The following SYCP2L variants were observed in gnomAD, a reference collection of about 807,000 sequenced individuals.
SYCP2L encodes synaptonemal complex protein 2 like.
A neutral mutation model predicts 125.8 loss-of-function variants in SYCP2L; 98 were observed. That is an observed-to-expected ratio of 0.78 (90% CI 0.66 to 0.92). The LOEUF is 0.92. SYCP2L is among the 40% of genes least tolerant of loss of function. The pLI is 0.00. For missense variants in SYCP2L, 842 were observed against 936.4 expected, an observed-to-expected ratio of 0.90 and a Z score of 1.32; for synonymous variants, 317 against 325.4, an observed-to-expected ratio of 0.97 and a Z score of 0.28.
rs1310830278 is a variant in SYCP2L, at chr6:10,951,505, CAAAT to C, written c.1955-3605_1955-3602del. 5.3e-5 allele frequency among the ~76,000 whole-genome samples: 8 copies of C among 152,316 alleles called. No homozygotes were observed. The East Asian group carries it at 1.5e-3, about 29-fold the overall frequency. On this transcript the variant is annotated intron_variant, in intron 23 of 29. Coordinates refer to ENST00000283141, the MANE Select transcript of SYCP2L (RefSeq NM_001040274.3). The stretch of plus-strand genomic sequence containing the variant: ...CTATTTAAGCATTTATATGTAGTCA[CAAAT>C]AAATATTTATTATCAGTTGAGTTAT...
intron 26 of SYCP2L, among the ~76,000 whole-genome samples, chr6:10,959,934 A>G (rs530454511): frequency 2.8e-4 from 42 of 152,044 alleles, no homozygotes; most frequent in South Asian, 6.2e-4. Flanking sequence ...AGATTTGCAC[A>G]TGCACCTGGA....
chr6:10,942,564 C>A (rs771795479), intron 22 of SYCP2L, 35 bp downstream of exon 22: 1 of 1,581,592 alleles, frequency 6.3e-7, no homozygotes, highest in Admixed American at 1.8e-5. Context: ...ATCTGATTTT[C>A]CAGAATTAAT....
chr6:10,947,624 C>G (rs1781338478), intron 23 of SYCP2L, among the ~76,000 whole-genome samples: 2 of 152,028 alleles, frequency 1.3e-5, no homozygotes, highest in African/African-American at 2.4e-5. Flanking sequence ...TTGCTGAACT[C>G]TTATTAGGTC....
chr6:10,969,310 CTG>C (rs1781729639), intron 29 of SYCP2L, among the ~76,000 whole-genome samples: 1 of 149,882 alleles, frequency 6.7e-6, no homozygotes, highest in African/African-American at 2.5e-5. Flanking sequence ...ATGTCCAAGA[CTG>C]TGCTTTGTTA....
Position 10,902,673 on chromosome 6 carries a change from T to C in SYCP2L, c.467-4T>C, listed in dbSNP as rs768384212. On this transcript the variant is annotated splice_polypyrimidine_tract_variant and splice_region_variant and intron_variant, in intron 6 of 29. Coordinates refer to ENST00000283141, the MANE Select transcript of SYCP2L (RefSeq NM_001040274.3). ...AATTTGATGCTTTGAAATTATACTT[T>C]CAGGGAAAATTCAGATGTTGGATTC... 6.2e-7 allele frequency: 1 copy of C among 1,612,480 alleles called. No homozygotes were observed. The highest frequency in any genetic ancestry group is 2.2e-5 in the East Asian group (1 of 44,862).
In SYCP2L at chr6:10,958,195, G is replaced by A. The variant is rs1489949951; in HGVS notation, c.2164-589G>A. Among the ~76,000 whole-genome samples the A allele has an allele frequency of 6.0e-5, 9 of 150,068 alleles. 1 individual carries two copies. In the South Asian group the frequency reaches 6.3e-4, roughly 11 times the overall value. ...CTTGAATTGCTATAAATAAATACCC[G>A]AGACTGGATAATTTATTTTTTTTTA... is the stretch of plus-strand genomic sequence containing the variant. On this transcript the variant is annotated intron_variant, in intron 25 of 29. Coordinates refer to ENST00000283141, the MANE Select transcript of SYCP2L (RefSeq NM_001040274.3).
At chr6:10,939,546 T>C (rs1781174803) in intron 21 of SYCP2L, among the ~76,000 whole-genome samples, 1 of 152,170 alleles carries the variant, frequency 6.6e-6, no homozygotes, top group African/African-American at 2.4e-5. Context: ...CAAGATAACA[T>C]TATGGGCCCA....
In SYCP2L at chr6:10,912,290, CAT is replaced by C. The variant is rs1335745734; in HGVS notation, c.919-382_919-381del. 3.3e-5 allele frequency among the ~76,000 whole-genome samples: 5 copies of C among 152,246 alleles called. No individual in the cohort carries two copies. The East Asian group carries it at 5.8e-4, about 18-fold the overall frequency. On this transcript the variant is annotated intron_variant, in intron 12 of 29. Coordinates refer to ENST00000283141, the MANE Select transcript of SYCP2L (RefSeq NM_001040274.3). This position sits in a 1 kb window ranked among gnomAD's most constrained non-coding sequence, Gnocchi z 4.1. ...GTTGGAAGATAGATGGCAAATCACT[CAT>C]GTTTGGTTACAGTATCTCCTTCTCC...
rs371319582 is a variant in SYCP2L at position 10,927,382 on chromosome 6, A to G, written c.1440+15A>G. 2.7e-5 allele frequency: 44 copies of G among 1,600,906 alleles called. No homozygotes were observed. The highest frequency in any genetic ancestry group is 2.7e-5 in the African/African-American group (2 of 74,422). On this transcript the variant is annotated intron_variant, in intron 17 of 29. Coordinates refer to ENST00000283141, the MANE Select transcript of SYCP2L (RefSeq NM_001040274.3). ...CTGATAGTCACGTAGGTTCTTTTCTATTTTCCCTAAGCATCGGCCAGGTTG... is the reference window on the plus strand; with the variant it reads ...CTGATAGTCACGTAGGTTCTTTTCTGTTTTCCCTAAGCATCGGCCAGGTTG...
intron 29 of SYCP2L, among the ~76,000 whole-genome samples, chr6:10,970,034 A>G (rs1229863799): frequency 2.6e-5 from 4 of 152,154 alleles, no homozygotes; most frequent in South Asian, 2.1e-4. Flanking sequence ...TGTACATTCT[A>G]TAGGATTGAG....
intron 9 of SYCP2L, 51 bp from the exon 10 acceptor site, chr6:10,907,491 T>C (rs771855204): frequency 3.2e-5 from 49 of 1,542,234 alleles, no homozygotes; most frequent in Non-Finnish European, 4.3e-5. Context: ...TCATTTTTTC[T>C]TTTGCTTTGT....
chr6:10,959,867 C>T (rs1267757173), intron 26 of SYCP2L, among the ~76,000 whole-genome samples: 1 of 91,008 alleles, frequency 1.1e-5, no homozygotes, highest in East Asian at 1.2e-3. Context: ...AAAACTCTGT[C>T]TCAAAAAAAA....
chr6:10,930,309 G>A, intron 18 of SYCP2L, 61 bp from the exon 19 acceptor site: 2 of 1,532,836 alleles, frequency 1.3e-6, no homozygotes, highest in African/African-American at 1.4e-5. Context: ...AATATGTTTA[G>A]TTATACATAA....
At chr6:10,910,279 G>C in intron 11 of SYCP2L, 79 bp downstream of exon 11, 5 of 1,351,180 alleles carry the variant, frequency 3.7e-6, no homozygotes, top group Non-Finnish European at 5.2e-6. Context: ...TTTAGGGTCT[G>C]TTTCATTTTA....
At chr6:10,893,842 A>G (rs561874253) in intron 2 of SYCP2L, 25 bp from the exon 3 acceptor site, 1 of 1,598,972 alleles carries the variant, frequency 6.3e-7, no homozygotes, top group African/African-American at 1.4e-5. Flanking sequence ...GGGAAAAAGT[A>G]ATTTGCAAAC....
chr6:10,898,794 T>C (rs748668140), intron 5 of SYCP2L, 30 bp from the exon 6 acceptor site: 8 of 1,323,350 alleles, frequency 6.0e-6, no homozygotes, highest in South Asian at 4.8e-5. Context: ...TAAAATAATA[T>C]GAGCTTTACT....
Position 10,930,887 on chromosome 6 carries a change from A to G in SYCP2L, c.1633+373A>G, listed in dbSNP as rs532555752. Among the ~76,000 whole-genome samples, 4 of 152,362 alleles carry G rather than the reference A, an allele frequency of 2.6e-5. No individual in the cohort carries two copies. The South Asian group carries it at 6.2e-4, about 24-fold the overall frequency. On this transcript the variant is annotated intron_variant, in intron 19 of 29. Transcript: ENST00000283141. ...GAAGCATTCTTAGGTAGGTAAAACT[A>G]CAAGGGCATGCATGGTGGCTCACGC... is the stretch of plus-strand genomic sequence containing the variant.
At chr6:10,903,680 G>A (rs1017967667) in intron 8 of SYCP2L, among the ~76,000 whole-genome samples, 1 of 152,076 alleles carries the variant, frequency 6.6e-6, no homozygotes, top group Non-Finnish European at 1.5e-5. Context: ...GAACCCAGGA[G>A]GCGGAGGTTG....
At chr6:10,963,882 CG>C in intron 29 of SYCP2L, 39 bp downstream of exon 29, 1 of 1,527,078 alleles carries the variant, frequency 6.5e-7, no homozygotes, top group Non-Finnish European at 9.1e-7. Flanking sequence ...GGATGTGAAT[CG>C]GGGTCAGGGC....
Sources: allele counts gnomAD v4.1 joint callset (sites outside exome capture counted in the v4.1 genomes callset), GRCh38; gene constraint gnomAD v4.1.1; non-coding constraint Gnocchi (gnomAD v3.1); transcripts MANE v1.5; gene names NCBI Gene and HGNC (gene_info 2026-07-23, HGNC 2026-07-21).